The following FAAH2 variants were observed in gnomAD, a reference collection of about 807,000 sequenced individuals.
The protein encoded by FAAH2 is fatty acid amide hydrolase 2.
In FAAH2, 60 loss-of-function variants were observed where a neutral mutation model predicts 36.9. That is an observed-to-expected ratio of 1.63 (90% CI 1.32 to 2.02). FAAH2 has a LOEUF of 2.02. Ranked by LOEUF, FAAH2 falls within the 30% of genes most tolerant of loss-of-function variation. FAAH2 has a pLI of 0.00. For synonymous variants in FAAH2, 214 were observed against 143.8 expected (o/e 1.49, Z -3.49); for missense variants, 689 against 397.5 (o/e 1.73, Z -6.23).
In FAAH2 at chrX:57,420,632, T is replaced by G. The variant is rs978176496; in HGVS notation, c.997-11286T>G. 1.1e-4 allele frequency among the ~76,000 whole-genome samples: 12 copies of G among 109,225 alleles called. No individual in the cohort carries two copies. The South Asian group carries it at 1.2e-3, about 11-fold the overall frequency. The allele number at this position is 109,225 out of a possible 115,157, so 94.8% of individuals were successfully genotyped here. On this transcript the variant is annotated intron_variant, in intron 7 of 10. Coordinates refer to ENST00000374900, the MANE Select transcript of FAAH2 (RefSeq NM_174912.4). ...AAGGAGATTTTGGGCTGAGACAATG[T>G]GGTTTTCTAGATATACAATCATGTC... is the stretch of plus-strand genomic sequence containing the variant.
At chrX:57,203,171 T>C in the FAAH2 span, among the ~76,000 whole-genome samples, 6 of 112,124 alleles carry the variant, frequency 5.4e-5, no homozygotes, top group Non-Finnish European at 5.6e-5. Flanking sequence ...CACATATTTA[T>C]TGACAGCAAG....
chrX:57,275,004 C>T, the FAAH2 span, among the ~76,000 whole-genome samples: 2 of 111,789 alleles, frequency 1.8e-5, no homozygotes, highest in Non-Finnish European at 3.8e-5. Context: ...ATTTAGAAAA[C>T]CCCATCATCT....
the FAAH2 span, among the ~76,000 whole-genome samples, chrX:57,230,446 G>A: frequency 8.9e-6 from 1 of 111,754 alleles, no homozygotes; most frequent in African/African-American, 3.3e-5. Context: ...GGAATTCTGG[G>A]AAAGTCTCAG....
chrX:57,317,554 C>T (rs1040703825), intron 3 of FAAH2, among the ~76,000 whole-genome samples: 3 of 111,519 alleles, frequency 2.7e-5, no homozygotes, highest in Non-Finnish European at 5.7e-5. Flanking sequence ...TAGAGTCCTA[C>T]ACCATAATAG....
intron 7 of FAAH2, among the ~76,000 whole-genome samples, chrX:57,418,769 T>G (rs1434539562): frequency 9.1e-6 from 1 of 109,536 alleles, no homozygotes; most frequent in Non-Finnish European, 1.9e-5. Context: ...GTGCACAATG[T>G]GCAGGTTAGT....
chrX:57,166,843 C>G, the FAAH2 span, among the ~76,000 whole-genome samples: 1 of 111,656 alleles, frequency 9.0e-6, no homozygotes, highest in Non-Finnish European at 1.9e-5. Flanking sequence ...GTAGAATTGC[C>G]TAGATAAAAA....
intron 2 of FAAH2, among the ~76,000 whole-genome samples, chrX:57,306,994 G>GATAT (rs770040896): frequency 0.023 from 708 of 31,001 alleles, 146 homozygotes; most frequent in African/African-American, 0.043. Flanking sequence ...CACACACACA[G>GATAT]ATACATATAT....
At chrX:57,325,153 G>T (rs1327857476) in intron 3 of FAAH2, among the ~76,000 whole-genome samples, 1 of 112,028 alleles carries the variant, frequency 8.9e-6, no homozygotes, top group Non-Finnish European at 1.9e-5. Context: ...ATTGATTTGT[G>T]TATGTTGAAG....
At chrX:57,397,125 G>C (rs1207672367) in intron 7 of FAAH2, among the ~76,000 whole-genome samples, 1 of 111,680 alleles carries the variant, frequency 9.0e-6, no homozygotes, top group African/African-American at 3.3e-5. Context: ...CCATTTGCGT[G>C]ATACATCTTC....
intron 5 of FAAH2, among the ~76,000 whole-genome samples, chrX:57,355,232 G>T (rs1569286667): frequency 9.0e-6 from 1 of 110,500 alleles, no homozygotes; most frequent in Non-Finnish European, 1.9e-5. Flanking sequence ...AAAATTGTTT[G>T]TTTCTAAAAT....
chrX:57,446,798 A>G lies in FAAH2; in HGVS notation c.1117-130A>G, dbSNP rs771140964. 191 of 424,992 alleles carry G rather than the reference A, an allele frequency of 4.5e-4. 2 individuals carry two copies. The East Asian group carries it at 7.3e-3, about 16-fold the overall frequency. The allele number at this position is 424,992 out of a possible 1,213,427, so 35.0% of individuals were successfully genotyped here. On this transcript the variant is annotated intron_variant, in intron 8 of 10. Coordinates refer to ENST00000374900, the MANE Select transcript of FAAH2 (RefSeq NM_174912.4). ...AATATTTTATCAATAAATTTTATTT[A>G]TGTATTCATCAATTGACTGGTATTT...
chrX:57,342,276 C>G (rs966085908), intron 5 of FAAH2, among the ~76,000 whole-genome samples: 2 of 111,099 alleles, frequency 1.8e-5, no homozygotes, highest in Non-Finnish European at 3.8e-5. Context: ...GAACAGAAAA[C>G]CAAATGTGAC....
chrX:57,450,434 TTGTATTCTATCTGACTTTAAATGCAA>T (rs1295328784), intron 10 of FAAH2, among the ~76,000 whole-genome samples: 2 of 111,531 alleles, frequency 1.8e-5, no homozygotes, highest in Non-Finnish European at 3.8e-5. Context: ...TGAAATTCAG[TTGTATTCTATCTGACTTTAAATGCAA>T]TGTTATTTTC....
At chrX:57,244,808 G>T in the FAAH2 span, among the ~76,000 whole-genome samples, 1 of 111,526 alleles carries the variant, frequency 9.0e-6, no homozygotes, top group African/African-American at 3.3e-5. Flanking sequence ...ACACTATGAA[G>T]AAATTGCATC....
At chrX:57,400,531 G>T (rs774855823) in intron 7 of FAAH2, among the ~76,000 whole-genome samples, 1 of 112,346 alleles carries the variant, frequency 8.9e-6, no homozygotes, top group African/African-American at 3.2e-5. Context: ...TGCTTCAGGT[G>T]TCCATCTTAC....
At chrX:57,125,582 T>C in the FAAH2 span, among the ~76,000 whole-genome samples, 144 of 111,993 alleles carry the variant, frequency 1.3e-3, no homozygotes, top group Non-Finnish European at 2.0e-3. Flanking sequence ...CCAAATGCCC[T>C]GTTTGCCTCT....
intron 7 of FAAH2, among the ~76,000 whole-genome samples, chrX:57,412,472 G>A (rs2055725352): frequency 9.0e-6 from 1 of 111,437 alleles, no homozygotes; most frequent in Non-Finnish European, 1.9e-5. Flanking sequence ...AACATGCAGT[G>A]TTTGGTTTTC....
At chrX:57,265,008 G>C in the FAAH2 span, among the ~76,000 whole-genome samples, 3 of 111,863 alleles carry the variant, frequency 2.7e-5, no homozygotes, top group African/African-American at 6.5e-5. Context: ...GCCCACTCGG[G>C]AGTGACACAG....
At chrX:57,250,297 A>C in the FAAH2 span, among the ~76,000 whole-genome samples, 1 of 111,837 alleles carries the variant, frequency 8.9e-6, no homozygotes. Flanking sequence ...AGTAGAAGCT[A>C]TCAAAAAAAT....
Sources: gnomAD v4.1 joint callset for allele counts (sites outside exome capture counted in the v4.1 genomes callset) on GRCh38, gnomAD v4.1.1 for gene constraint, MANE v1.5 for transcripts, NCBI Gene and HGNC (gene_info 2026-07-23, HGNC 2026-07-21) for gene names.